HPS3: variants seen among roughly 807,000 people sequenced by gnomAD.
HPS3 encodes the protein HPS3 biogenesis of lysosomal organelles complex 2 subunit 1, also known as BLOC-2 complex member HPS3.
Under a neutral mutation model 110.9 loss-of-function variants are expected in HPS3, and 79 were observed. The ratio of observed to expected loss-of-function variants is 0.71; its 90% CI spans 0.59 to 0.86. The LOEUF is 0.86. Ranked by LOEUF, HPS3 falls within the 40% of genes least tolerant of loss-of-function variation. The probability of loss-of-function intolerance (pLI) is 0.00; values close to 1 mark genes in which losing one functional copy is unlikely to be tolerated. For missense variants in HPS3, 1,197 were observed against 1,206.2 expected (o/e 0.99, Z 0.11); for synonymous variants, 428 against 451.0 (o/e 0.95, Z 0.65).
In HPS3 at chr3:149,158,643, G is replaced by A. The variant is rs1559919772; in HGVS notation, c.1692-23G>A. 3.1e-6 allele frequency: 5 copies of A among 1,610,004 alleles called. No individual in the cohort carries two copies. In the African/African-American group the frequency reaches 5.4e-5, roughly 17 times the overall value. ...TCTTTAAAAAAGTGACAAATTTGAG[G>A]TTTTTCATTTCCTTCCCTTTAGGCT... On this transcript the variant is annotated intron_variant, in intron 9 of 16. Coordinates refer to ENST00000296051, the MANE Select transcript of HPS3 (RefSeq NM_032383.5).
intron 1 of HPS3, among the ~76,000 whole-genome samples, chr3:149,130,802 ACT>A (rs754744352): frequency 8.5e-5 from 13 of 152,230 alleles, no homozygotes; most frequent in Non-Finnish European, 1.5e-4. Flanking sequence ...AGCAGCCGTT[ACT>A]CTTTCACACC....
At chr3:149,169,224 G>C (rs76950106) in intron 16 of HPS3, among the ~76,000 whole-genome samples, 1,679 of 152,262 alleles carry the variant, frequency 0.011, 33 homozygotes, top group African/African-American at 0.039. Context: ...TAGAAAGGGA[G>C]ACAGCTGAAG....
chr3:149,171,272 G>A (rs987918708), intron 16 of HPS3, among the ~76,000 whole-genome samples: 25 of 146,536 alleles, frequency 1.7e-4, no homozygotes, highest in African/African-American at 4.6e-4. Context: ...GCGAGACTCC[G>A]TCTCAAAAAA....
At chr3:149,150,027 A>G (rs1222161293) in intron 5 of HPS3, among the ~76,000 whole-genome samples, 1 of 152,192 alleles carries the variant, frequency 6.6e-6, no homozygotes, top group Non-Finnish European at 1.5e-5. Context: ...TCATGCCCCA[A>G]TCTTTAAAAC....
At chr3:149,166,960 A>C in intron 14 of HPS3, 74 bp from the exon 15 acceptor site, 5 of 1,179,240 alleles carry the variant, frequency 4.2e-6, no homozygotes, top group Non-Finnish European at 6.3e-6. Flanking sequence ...TAGTCTTAAG[A>C]AATTGAATTC....
chr3:149,133,704 T>C (rs1220097593), intron 1 of HPS3, among the ~76,000 whole-genome samples: 2 of 152,218 alleles, frequency 1.3e-5, no homozygotes, highest in Non-Finnish European at 2.9e-5. Flanking sequence ...CCTTCACCAG[T>C]GAAAAGATAT....
chr3:149,133,987 T>TA (rs1721927851), intron 1 of HPS3, among the ~76,000 whole-genome samples: 3 of 151,298 alleles, frequency 2.0e-5, no homozygotes, highest in African/African-American at 7.4e-5. Flanking sequence ...GTGTTTTTTT[T>TA]TAAAAAAAAT....
chr3:149,153,590 T>C lies in HPS3; in HGVS notation c.1342T>C (p.Leu448=), dbSNP rs778753554. Residue 448 remains leucine (L), a synonymous_variant, in exon 7 of 17, where the codon TTG becomes CTG. Coordinates refer to ENST00000296051, the MANE Select transcript of HPS3 (RefSeq NM_032383.5). ...TCACTTTAAAAACCACATCATACTT[T>C]TGACTAAAGCAGAACCTGAAGCCAT... The part of the protein sequence containing the change: ...ICHFKNHIIL[L]TKAEPEAIPE... 4.3e-6 allele frequency: 7 copies of C among 1,614,224 alleles called. No individual in the cohort carries two copies. The East Asian group carries it at 1.6e-4, about 36-fold the overall frequency.
Position 149,162,215 on chromosome 3 carries a change from T to C in HPS3, c.2174T>C (p.Val725Ala). 2 of 1,614,064 alleles carry C rather than the reference T, an allele frequency of 1.2e-6. No individual in the cohort carries two copies. The highest frequency in any genetic ancestry group is 1.7e-6 in the Non-Finnish European group (2 of 1,179,962). The change falls in exon 12 of 17, where the codon GTT (valine) becomes GCT (alanine). Residue 725 changes from valine (V) to alanine (A), a missense_variant. Val to Ala is a moderately conservative substitution (Grantham distance 64). Coordinates refer to ENST00000296051, the MANE Select transcript of HPS3 (RefSeq NM_032383.5). ...LLIQQRKGQI[V>A]PTELALHLKE... ...ATTCAACAGAGAAAGGGACAGATTG[T>C]TCCAACCGAGCTTGCACTTCACTTG... is the stretch of plus-strand genomic sequence containing the variant.
chr3:149,167,372 A>G, intron 15 of HPS3, 132 bp downstream of exon 15: 4 of 729,302 alleles, frequency 5.5e-6, no homozygotes, highest in Non-Finnish European at 9.7e-6. Context: ...TCCATTGAGC[A>G]TATATGTTTA....
chr3:149,153,037 C>T (rs558662634), intron 6 of HPS3, among the ~76,000 whole-genome samples: 11 of 152,324 alleles, frequency 7.2e-5, no homozygotes, highest in African/African-American at 2.6e-4. Context: ...TTTATGTACT[C>T]TACAAGCAGT....
intron 1 of HPS3, among the ~76,000 whole-genome samples, chr3:149,137,886 A>G (rs1722209597): frequency 6.6e-6 from 1 of 152,198 alleles, no homozygotes; most frequent in Admixed American, 6.5e-5. Flanking sequence ...ATAGAGATGG[A>G]TGGTAGTGAT....
intron 12 of HPS3, 74 bp downstream of exon 12, chr3:149,162,407 AAGTG>A (rs1723956438): frequency 7.4e-7 from 1 of 1,357,118 alleles, no homozygotes; most frequent in South Asian, 1.2e-5. Flanking sequence ...AGAATAAGAG[AAGTG>A]AGTTTTTCAT....
chr3:149,140,595 A>G (rs930647171), intron 2 of HPS3, 97 bp downstream of exon 2: 1 of 1,289,406 alleles, frequency 7.8e-7, no homozygotes, highest in Non-Finnish European at 1.1e-6. Flanking sequence ...GTGCCCGGCC[A>G]TGTTATTTAT....
intron 14 of HPS3, chr3:149,165,980 G>T (rs570107150): frequency 1.1e-5 from 5 of 455,574 alleles, no homozygotes; most frequent in African/African-American, 6.0e-5. Flanking sequence ...TAGATATTTG[G>T]AATAAAATAA....
intron 12 of HPS3, 28 bp downstream of exon 12, chr3:149,162,361 C>A: frequency 6.3e-7 from 1 of 1,598,156 alleles, no homozygotes; most frequent in Non-Finnish European, 8.6e-7. Flanking sequence ...TGTGATTTTT[C>A]TGGATGGCCT....
At chr3:149,138,094 A>G (rs1251498993) in intron 1 of HPS3, among the ~76,000 whole-genome samples, 1 of 152,166 alleles carries the variant, frequency 6.6e-6, no homozygotes, top group African/African-American at 2.4e-5. Context: ...GAACAAACTT[A>G]GGGCACCTGC....
At chr3:149,164,876 G>A (rs1332362704) in intron 14 of HPS3, among the ~76,000 whole-genome samples, 2 of 152,074 alleles carry the variant, frequency 1.3e-5, no homozygotes, top group East Asian at 1.9e-4. Flanking sequence ...CATTTGATTG[G>A]CCTCTTTAGG....
chr3:149,143,475 C>T (rs1025141122), intron 4 of HPS3, among the ~76,000 whole-genome samples: 8 of 152,188 alleles, frequency 5.3e-5, no homozygotes, highest in African/African-American at 1.7e-4. Context: ...CCATCCCAAT[C>T]CCCATCACTA....
Sources: gnomAD v4.1 joint callset for allele counts (sites outside exome capture counted in the v4.1 genomes callset) on GRCh38, gnomAD v4.1.1 for gene constraint, MANE v1.5 for transcripts, NCBI Gene and HGNC (gene_info 2026-07-23, HGNC 2026-07-21) for gene names.